Variants in CLSTN2 observed in about 807,000 individuals in gnomAD.
CLSTN2 encodes the protein calsyntenin-2.
A neutral mutation model predicts 101.2 loss-of-function variants in CLSTN2; 48 were observed. The ratio of observed to expected loss-of-function variants is 0.47; its 90% CI spans 0.38 to 0.60. CLSTN2 has a LOEUF of 0.60. CLSTN2 is among the 20% of genes least tolerant of loss of function. CLSTN2 has a pLI of 0.00. For missense variants in CLSTN2, 1,160 were observed against 1,238.2 expected (o/e 0.94, Z 0.95); for synonymous variants, 481 against 463.6 (o/e 1.04, Z -0.48).
Position 140,051,385 on chromosome 3 carries a change from G to A in CLSTN2, c.109+115902G>A, listed in dbSNP as rs549949869. The stretch of plus-strand genomic sequence containing the variant: ...TATGGAGCCCATTAAAATCATTGCT[G>A]AAACCCTTCCTGCCTTCAGTCCATT... On this transcript the variant is annotated intron_variant, in intron 1 of 16. Coordinates refer to ENST00000458420, the MANE Select transcript of CLSTN2 (RefSeq NM_022131.3). Among the ~76,000 whole-genome samples, 9 of 152,246 alleles carry A rather than the reference G, an allele frequency of 5.9e-5. No homozygotes were observed. In the East Asian group the frequency reaches 1.7e-3, roughly 29 times the overall value.
chr3:140,533,803 A>C (rs199517950), intron 9 of CLSTN2, among the ~76,000 whole-genome samples: 1 of 152,182 alleles, frequency 6.6e-6, no homozygotes, highest in East Asian at 1.9e-4. Context: ...TAGGTTGGAC[A>C]AAGTGAGTTA....
chr3:140,182,498 C>T (rs577049089), intron 2 of CLSTN2, among the ~76,000 whole-genome samples: 10 of 152,264 alleles, frequency 6.6e-5, no homozygotes, highest in South Asian at 2.1e-4. Flanking sequence ...TCTCTGAGCT[C>T]GGACCTCGCA....
chr3:140,365,596 T>C (rs1026775), intron 2 of CLSTN2, among the ~76,000 whole-genome samples: 73,898 of 151,776 alleles, frequency 0.49, 18,540 homozygotes, highest in Non-Finnish European at 0.54. Context: ...TCGGGGAAAC[T>C]AAGGCCCAGA....
At chr3:140,066,105 T>G (rs1005443980) in intron 1 of CLSTN2, among the ~76,000 whole-genome samples, 14 of 152,236 alleles carry the variant, frequency 9.2e-5, no homozygotes, top group African/African-American at 3.4e-4. Context: ...GTGACAGAGA[T>G]GAGCTTTGCC....
intron 1 of CLSTN2, among the ~76,000 whole-genome samples, chr3:140,123,260 A>T (rs535050852): frequency 1.3e-5 from 2 of 152,052 alleles, no homozygotes; most frequent in East Asian, 3.9e-4. Context: ...TAGTCCTTTT[A>T]TAAGGCATTA....
intron 1 of CLSTN2, among the ~76,000 whole-genome samples, chr3:140,053,049 G>A (rs2008027796): frequency 1.3e-5 from 2 of 152,156 alleles, no homozygotes. Context: ...TTCTCTGGAT[G>A]GCGCTGGCAG....
At chr3:139,986,453 T>C (rs1320508123) in intron 1 of CLSTN2, among the ~76,000 whole-genome samples, 1 of 152,120 alleles carries the variant, frequency 6.6e-6, no homozygotes, top group Non-Finnish European at 1.5e-5. Context: ...GTTCTAACAT[T>C]TGGGTGTCTG....
In CLSTN2 at chr3:140,564,126, T is replaced by A. The variant is rs1372598389; in HGVS notation, c.2648T>A (p.Ile883Asn). Residue 883 changes from isoleucine (I) to asparagine (N), a missense_variant, in exon 16 of 17, where the codon ATC (isoleucine) becomes AAC (asparagine). Coordinates refer to ENST00000458420, the MANE Select transcript of CLSTN2 (RefSeq NM_022131.3). ...EMDWDDSALT[I>N]TVNPMEKHEG... ...GACTGGGACGATTCTGCGCTGACTA[T>A]CACAGTCAACCCCATGGAGGTGATC... 1.2e-6 allele frequency: 2 copies of A among 1,614,054 alleles called. No homozygotes were observed. Among genetic ancestry groups the A allele is most frequent in the Middle Eastern group, 1.6e-4 (1 of 6,062 alleles).
intron 10 of CLSTN2, among the ~76,000 whole-genome samples, chr3:140,550,687 T>C (rs495457): frequency 0.067 from 8,923 of 133,418 alleles, 462 homozygotes; most frequent in African/African-American, 0.16. Flanking sequence ...CTTTTAAAAA[T>C]TATAAATTAA....
At chr3:140,217,165 C>T (rs1298263669) in intron 2 of CLSTN2, among the ~76,000 whole-genome samples, 1 of 152,160 alleles carries the variant, frequency 6.6e-6, no homozygotes, top group Non-Finnish European at 1.5e-5. Flanking sequence ...TACAGTTTCC[C>T]TAGGAGTTTG....
At chr3:140,283,735 G>T (rs1340413981) in intron 2 of CLSTN2, among the ~76,000 whole-genome samples, 2 of 152,172 alleles carry the variant, frequency 1.3e-5, no homozygotes, top group African/African-American at 4.8e-5. Context: ...TCAAGCATCA[G>T]TTGGAATTTG....
Position 140,466,751 on chromosome 3 carries a change from C to G in CLSTN2, c.1344+20C>G. On this transcript the variant is annotated intron_variant, in intron 8 of 16. Transcript: ENST00000458420. ...GATCAGGTATGGTGCTCACCTCACA[C>G]CTGCTGCTACTCATGCCTCTGCGGG... is the stretch of plus-strand genomic sequence containing the variant. The G allele has an allele frequency of 6.2e-7, 1 of 1,613,638 alleles. No individual in the cohort carries two copies.
chr3:140,441,325 G>A (rs1346349382), intron 5 of CLSTN2, among the ~76,000 whole-genome samples: 8 of 152,198 alleles, frequency 5.3e-5, no homozygotes. Flanking sequence ...TCCAGGAATA[G>A]TCCTTTCCTT....
At chr3:140,549,305 A>C (rs976401950) in intron 10 of CLSTN2, among the ~76,000 whole-genome samples, 32 of 150,806 alleles carry the variant, frequency 2.1e-4, no homozygotes, top group Non-Finnish European at 3.8e-4. Context: ...CAATTTCTAG[A>C]GTCATCATAG....
At chr3:140,160,518 A>T (rs16849982) in intron 1 of CLSTN2, among the ~76,000 whole-genome samples, 15,155 of 152,144 alleles carry the variant, frequency 0.1, 2,508 homozygotes, top group African/African-American at 0.34. Flanking sequence ...AGACATTCTC[A>T]ATTTCATGGA....
chr3:140,064,474 A>G (rs1410592192), intron 1 of CLSTN2, among the ~76,000 whole-genome samples: 4 of 152,234 alleles, frequency 2.6e-5, no homozygotes, highest in Admixed American at 2.6e-4. Flanking sequence ...ACCAAATCAC[A>G]TGGAAAGAAA....
intron 5 of CLSTN2, among the ~76,000 whole-genome samples, chr3:140,445,166 C>T (rs764738011): frequency 5.3e-5 from 8 of 152,174 alleles, no homozygotes; most frequent in African/African-American, 1.4e-4. Context: ...TTCTCCCTGG[C>T]GGCCAGAGAG....
rs150996120 is a variant in CLSTN2, at chr3:140,415,704, C to G, written c.638-5421C>G. On this transcript the variant is annotated intron_variant, in intron 4 of 16. Transcript: ENST00000458420. Reference sequence around the variant, plus strand: ...CTGTCAAAAAGTCCATGAGGAGAAGCATTGGTGAAGATGTGAAGAAAAGGG... The same window carrying G: ...CTGTCAAAAAGTCCATGAGGAGAAGGATTGGTGAAGATGTGAAGAAAAGGG... 1.2e-3 allele frequency among the ~76,000 whole-genome samples: 185 copies of G among 152,150 alleles called. 1 individual carries two copies. The highest frequency in any genetic ancestry group is 4.2e-3 in the African/African-American group (173 of 41,516).
At chr3:140,049,740 C>T (rs1284478539) in intron 1 of CLSTN2, among the ~76,000 whole-genome samples, 1 of 152,236 alleles carries the variant, frequency 6.6e-6, no homozygotes, top group Non-Finnish European at 1.5e-5. Flanking sequence ...GCGAGCTCTG[C>T]CCCAGCACAA....
Sources: gnomAD v4.1 joint callset for allele counts (sites outside exome capture counted in the v4.1 genomes callset) on GRCh38, gnomAD v4.1.1 for gene constraint, MANE v1.5 for transcripts, NCBI Gene and HGNC (gene_info 2026-07-23, HGNC 2026-07-21) for gene names.